GYG2: variants seen among roughly 807,000 people sequenced by gnomAD.
GYG2 encodes the protein glycogenin-2.
Under a neutral mutation model 29.4 loss-of-function variants are expected in GYG2, and 29 were observed. The ratio of observed to expected loss-of-function variants is 0.99; its 90% CI spans 0.74 to 1.35. The LOEUF (loss-of-function observed/expected upper bound fraction) is 1.35, where lower values mean the gene tolerates loss of function less well. Ranked by LOEUF, GYG2 falls within the 40% of genes most tolerant of loss-of-function variation. The probability of loss-of-function intolerance (pLI) is 0.00; values close to 1 mark genes in which losing one functional copy is unlikely to be tolerated. For missense variants in GYG2, 370 were observed against 385.7 expected (o/e 0.96, Z 0.34); for synonymous variants, 167 against 172.3 (o/e 0.97, Z 0.24).
At chrX:2,880,557 A>G (rs950290735) in intron 10 of GYG2, among the ~76,000 whole-genome samples, 1 of 109,471 alleles carries the variant, frequency 9.1e-6, no homozygotes, top group African/African-American at 3.5e-5. Flanking sequence ...AAAACACTTA[A>G]GCAAAAAAAA....
chrX:2,843,052 A>G lies in GYG2; in HGVS notation c.8-161A>G, dbSNP rs1387532556. ...GGTCTCGAACTCCTGAGGTCAAGCA[A>G]TTCACCCACCTCAGCCTCCCAAAGT... is the stretch of plus-strand genomic sequence containing the variant. On this transcript the variant is annotated intron_variant, in intron 2 of 10. Coordinates refer to ENST00000398806, the MANE Select transcript of GYG2 (RefSeq NM_001079855.2). 5.7e-6 allele frequency: 3 copies of G among 522,707 alleles called. No homozygotes were observed. The highest frequency in any genetic ancestry group is 1.0e-5 in the Non-Finnish European group (3 of 290,477). 43.1% of individuals were successfully genotyped at this position (522,707 alleles called of 1,213,427 possible). A position where few individuals can be genotyped will look rare whatever the true frequency, so the allele number is the denominator to read the frequency against.
At chrX:2,866,443 C>T (rs936405171) in intron 8 of GYG2, among the ~76,000 whole-genome samples, 2 of 111,545 alleles carry the variant, frequency 1.8e-5, no homozygotes, top group South Asian at 3.8e-4. Context: ...TGCGGTGAGC[C>T]GAGATCACGC....
At chrX:2,829,889 G>A (rs1267905348) in intron 1 of GYG2, among the ~76,000 whole-genome samples, 172 bp from the exon 2 acceptor site, 3 of 109,988 alleles carry the variant, frequency 2.7e-5, no homozygotes, top group Non-Finnish European at 5.7e-5. Flanking sequence ...CAGAGGGCAC[G>A]AGGCTGACCT....
At chrX:2,844,366 C>G (rs5982886) in intron 3 of GYG2, among the ~76,000 whole-genome samples, 18,294 of 110,790 alleles carry the variant, frequency 0.17, 1,115 homozygotes, top group East Asian at 0.26. Context: ...AATGTGAGTG[C>G]TACCTATACA....
chrX:2,855,925 A>G (rs937218003), intron 5 of GYG2, among the ~76,000 whole-genome samples: 38 of 111,808 alleles, frequency 3.4e-4, no homozygotes, highest in African/African-American at 1.2e-3. Context: ...ACCCTGTCTC[A>G]GAGAAAAAGA....
intron 4 of GYG2, 44 bp from the exon 5 acceptor site, chrX:2,854,949 T>C: frequency 8.4e-7 from 1 of 1,184,739 alleles, no homozygotes. Context: ...GAAGCATTGG[T>C]AAAAGAAGCA....
At chrX:2,839,493 T>A (rs1275253568) in intron 2 of GYG2, among the ~76,000 whole-genome samples, 1 of 111,542 alleles carries the variant, frequency 9.0e-6, no homozygotes, top group Non-Finnish European at 1.9e-5. Context: ...CTTGAAAACA[T>A]CATGCTGATG....
chrX:2,850,837 A>G (rs918233270), intron 3 of GYG2, among the ~76,000 whole-genome samples: 2 of 109,312 alleles, frequency 1.8e-5, no homozygotes, highest in Admixed American at 9.9e-5. Flanking sequence ...CCCTTCGCTG[A>G]CTCTCTTTTC....
In GYG2 at chrX:2,874,275, T is replaced by C. The variant is rs150323200; in HGVS notation, c.1039-1535T>C. On this transcript the variant is annotated intron_variant, in intron 8 of 10. Transcript: ENST00000398806. ...TATAGATACCTTTTTTCTATTTCTT[T>C]CTGTGCTCCTGTTCCTCTGCCTTAG... Among the ~76,000 whole-genome samples, 15 of 112,457 alleles carry C rather than the reference T, an allele frequency of 1.3e-4. No homozygotes were observed. In the East Asian group the frequency reaches 4.2e-3, roughly 32 times the overall value.
chrX:2,832,651 C>G (rs965865071), intron 2 of GYG2, among the ~76,000 whole-genome samples: 2 of 111,782 alleles, frequency 1.8e-5, no homozygotes, highest in East Asian at 2.8e-4. Flanking sequence ...TCTCCTGCCT[C>G]AGCCTCCTGA....
At chrX:2,833,159 G>A (rs1352708577) in intron 2 of GYG2, among the ~76,000 whole-genome samples, 8 of 111,256 alleles carry the variant, frequency 7.2e-5, no homozygotes, top group East Asian at 2.8e-4. Context: ...GGGCAGGGCT[G>A]TTTCCTCCTG....
chrX:2,858,640 C>T (rs1454704578), intron 6 of GYG2, among the ~76,000 whole-genome samples: 1 of 111,703 alleles, frequency 9.0e-6, no homozygotes, highest in East Asian at 2.8e-4. Context: ...TCTGCATTCT[C>T]TACAGAGGAC....
At chrX:2,856,977 A>G (rs1424388448) in intron 6 of GYG2, among the ~76,000 whole-genome samples, 1 of 105,190 alleles carries the variant, frequency 9.5e-6, no homozygotes, top group African/African-American at 3.4e-5. Flanking sequence ...CTATCTATCT[A>G]TCTATCTATC....
At chrX:2,869,053 T>C (rs1569072362) in intron 8 of GYG2, among the ~76,000 whole-genome samples, 1 of 108,945 alleles carries the variant, frequency 9.2e-6, no homozygotes, top group Non-Finnish European at 1.9e-5. Flanking sequence ...CCATACGGTA[T>C]CTGATATATA....
chrX:2,833,328 C>T (rs2087306714), intron 2 of GYG2, among the ~76,000 whole-genome samples: 1 of 110,965 alleles, frequency 9.0e-6, no homozygotes, highest in African/African-American at 3.3e-5. Context: ...TTACCATAAT[C>T]ACCTCTTTAA....
intron 10 of GYG2, among the ~76,000 whole-genome samples, chrX:2,879,849 GTAGA>G (rs2088680995): frequency 9.0e-6 from 1 of 111,045 alleles, no homozygotes; most frequent in Non-Finnish European, 1.9e-5. Context: ...AGATAAATAG[GTAGA>G]TAGATGATGG....
rs572927967 is a variant in GYG2 at position 2,837,331 on chromosome X, G to A, written c.8-5882G>A. 6.2e-5 allele frequency among the ~76,000 whole-genome samples: 7 copies of A among 112,137 alleles called. No homozygotes were observed. In the South Asian group the frequency reaches 1.1e-3, roughly 18 times the overall value. The stretch of plus-strand genomic sequence containing the variant: ...CTTACTGGGGTATAGGAGTTGGCAC[G>A]CTAAATATTCTGCAAAGCTTGCTCT... On this transcript the variant is annotated intron_variant, in intron 2 of 10. Coordinates refer to ENST00000398806, the MANE Select transcript of GYG2 (RefSeq NM_001079855.2).
rs753965824 is a variant in GYG2, at chrX:2,843,138, A to G, written c.8-75A>G. 4 of 832,989 alleles carry G rather than the reference A, an allele frequency of 4.8e-6. No individual in the cohort carries two copies. The African/African-American group carries it at 8.0e-5, about 17-fold the overall frequency. 68.6% of individuals were successfully genotyped at this position (832,989 alleles called of 1,213,427 possible). A position where few individuals can be genotyped will look rare whatever the true frequency, so the allele number is the denominator to read the frequency against. On this transcript the variant is annotated intron_variant, in intron 2 of 10. Transcript: ENST00000398806. ...CAAGCCATGAATCTTGGGAGAGGAG[A>G]GGAGGTGACTATGGCCCCGTCACCC...
chrX:2,876,393 G>C (rs2088600873), intron 9 of GYG2, among the ~76,000 whole-genome samples: 1 of 110,510 alleles, frequency 9.0e-6, no homozygotes, highest in African/African-American at 3.3e-5. Context: ...CATATCATCA[G>C]AAAACTGGCT....
Sources: gnomAD v4.1 joint callset for allele counts (sites outside exome capture counted in the v4.1 genomes callset) on GRCh38, gnomAD v4.1.1 for gene constraint, MANE v1.5 for transcripts, NCBI Gene and HGNC (gene_info 2026-07-23, HGNC 2026-07-21) for gene names.